Variants in SDC2 observed in about 807,000 individuals in gnomAD.
SDC2 encodes the protein syndecan 2.
Under a neutral mutation model 22.2 loss-of-function variants are expected in SDC2, and 13 were observed. The ratio of observed to expected loss-of-function variants is 0.59; its 90% CI spans 0.38 to 0.93. The LOEUF is 0.93. SDC2 is among the 40% of genes least tolerant of loss of function. SDC2 has a pLI of 0.00. For synonymous variants in SDC2, 94 were observed against 92.8 expected (o/e 1.01, Z -0.07); for missense variants, 235 against 246.8 (o/e 0.95, Z 0.32).
chr8:96,573,061 C>G (rs975959687), intron 1 of SDC2, among the ~76,000 whole-genome samples: 6 of 152,198 alleles, frequency 3.9e-5, no homozygotes, highest in African/African-American at 1.4e-4. Context: ...GGGGCCTTGC[C>G]TGCCTGAAAG....
intron 1 of SDC2, among the ~76,000 whole-genome samples, chr8:96,495,039 C>T (rs1247146542): frequency 1.3e-5 from 2 of 152,238 alleles, no homozygotes; most frequent in African/African-American, 4.8e-5. Flanking sequence ...GCGACCCCCT[C>T]CTCGTTGAGG....
chr8:96,589,907 G>A (rs1235017120), intron 1 of SDC2, among the ~76,000 whole-genome samples: 1 of 152,206 alleles, frequency 6.6e-6, no homozygotes, highest in Non-Finnish European at 1.5e-5. Context: ...GAGCCGGGGG[G>A]CCAGAGGCAA....
At chr8:96,595,250 GA>G (rs1814853225) in intron 2 of SDC2, among the ~76,000 whole-genome samples, 1 of 152,176 alleles carries the variant, frequency 6.6e-6, no homozygotes, top group Non-Finnish European at 1.5e-5. Flanking sequence ...ACCCAGAACA[GA>G]TTAAAATCAG....
In SDC2 at chr8:96,607,125, C is replaced by A. The variant is rs573662318; in HGVS notation, c.307-1210C>A. ...TAGTTTCATCCCCCTCCATCCCCCC[C>A]ACCCTCCCATTCATGGAAAGATTGG... On this transcript the variant is annotated intron_variant, in intron 3 of 4. Coordinates refer to ENST00000302190, the MANE Select transcript of SDC2 (RefSeq NM_002998.4). 5.3e-5 allele frequency among the ~76,000 whole-genome samples: 8 copies of A among 151,742 alleles called. 2 individuals are homozygous for A. The highest frequency in any genetic ancestry group is 1.7e-4 in the African/African-American group (7 of 41,254).
rs543837695 is a variant in SDC2 at position 96,611,412 on chromosome 8, A to T, written c.*1864A>T. 1 of 152,800 alleles carries T rather than the reference A, an allele frequency of 6.5e-6. No homozygotes were observed. Among genetic ancestry groups the T allele is most frequent in the South Asian group, 2.1e-4 (1 of 4,834 alleles). The allele number at this position is 152,800 out of a possible 1,614,324, so 9.5% of individuals were successfully genotyped here. ...TGAGAACATTCCCTGGAATTGCCAC[A>T]TAATTCATTAAAAACATTTTTTTAA... On this transcript the variant is annotated 3_prime_UTR_variant, in exon 5 of 5. Transcript: ENST00000302190.
At chr8:96,606,170 C>G (rs925270584) in intron 3 of SDC2, among the ~76,000 whole-genome samples, 2 of 152,256 alleles carry the variant, frequency 1.3e-5, no homozygotes, top group East Asian at 3.9e-4. Context: ...GTTACCCAGG[C>G]TAGAATGCAG....
chr8:96,494,832 GC>G (rs938896802), intron 1 of SDC2, among the ~76,000 whole-genome samples: 5 of 152,208 alleles, frequency 3.3e-5, no homozygotes, highest in African/African-American at 4.8e-5. Flanking sequence ...GGAGATGGGG[GC>G]CAGATTTAAG....
chr8:96,596,953 G>T (rs1441204927), intron 2 of SDC2, among the ~76,000 whole-genome samples: 1 of 152,134 alleles, frequency 6.6e-6, no homozygotes, highest in Non-Finnish European at 1.5e-5. Context: ...TTCAGTGGAG[G>T]GTGAGAGTGA....
At chr8:96,564,074 G>A (rs186905538) in intron 1 of SDC2, among the ~76,000 whole-genome samples, 42 of 152,330 alleles carry the variant, frequency 2.8e-4, no homozygotes, top group Non-Finnish European at 4.9e-4. Flanking sequence ...CCAGGCCTAG[G>A]CATTGTCTTG....
At chr8:96,600,123 C>T (rs1563677259) in intron 2 of SDC2, among the ~76,000 whole-genome samples, 1 of 152,198 alleles carries the variant, frequency 6.6e-6, no homozygotes, top group South Asian at 2.1e-4. Context: ...CGCACCCCTG[C>T]ACTCTGGCCT....
Position 96,499,843 on chromosome 8 carries a change from A to T in SDC2, c.60+5512A>T, listed in dbSNP as rs189712848. 2.0e-5 allele frequency among the ~76,000 whole-genome samples: 3 copies of T among 151,708 alleles called. No homozygotes were observed. The East Asian group carries it at 5.8e-4, about 29-fold the overall frequency. On this transcript the variant is annotated intron_variant, in intron 1 of 4. Transcript: ENST00000302190. ...ACCTCTCTGACATTCTAAATAGGTG[A>T]ATTTTCTCTCCCATCAAGGTTAGTG...
chr8:96,503,200 C>G (rs1339936105), intron 1 of SDC2, among the ~76,000 whole-genome samples: 1 of 152,164 alleles, frequency 6.6e-6, no homozygotes, highest in Non-Finnish European at 1.5e-5. Flanking sequence ...TTTACCTCCA[C>G]AAATCTGTCC....
At chr8:96,528,966 T>C (rs780861993) in intron 1 of SDC2, among the ~76,000 whole-genome samples, 10 of 152,302 alleles carry the variant, frequency 6.6e-5, no homozygotes, top group Non-Finnish European at 1.5e-4. Context: ...ATCTGTGAAA[T>C]GGGAGGGTTG....
Position 96,531,405 on chromosome 8 carries a change from A to C in SDC2, c.60+37074A>C, listed in dbSNP as rs553094939. On this transcript the variant is annotated intron_variant, in intron 1 of 4. Coordinates refer to ENST00000302190, the MANE Select transcript of SDC2 (RefSeq NM_002998.4). ...ATTAATATTAGTAAATTATAGATAT[A>C]TCTCTTTTGGACAACCTAAAGAATA... Among the ~76,000 whole-genome samples, 3 of 152,322 alleles carry C rather than the reference A, an allele frequency of 2.0e-5. No individual in the cohort carries two copies. The South Asian group carries it at 6.2e-4, about 32-fold the overall frequency.
intron 1 of SDC2, among the ~76,000 whole-genome samples, chr8:96,515,539 G>A (rs1000631218): frequency 1.3e-5 from 2 of 152,174 alleles, no homozygotes; most frequent in African/African-American, 4.8e-5. Flanking sequence ...GAGGGAAAAT[G>A]TCCACCTGTT....
chr8:96,551,387 A>G (rs889592441), intron 1 of SDC2, among the ~76,000 whole-genome samples: 2 of 152,220 alleles, frequency 1.3e-5, no homozygotes, highest in African/African-American at 4.8e-5. Flanking sequence ...ACTAACACTG[A>G]TATACTGCCT....
intron 1 of SDC2, among the ~76,000 whole-genome samples, chr8:96,546,454 G>A (rs1813933536): frequency 6.6e-6 from 1 of 152,100 alleles, no homozygotes; most frequent in Non-Finnish European, 1.5e-5. Context: ...TAGTGAAAAA[G>A]AAACAATAGC....
At chr8:96,537,472 A>G (rs2589203) in intron 1 of SDC2, 87,073 of 137,532 alleles carry the variant, frequency 0.63, 26,566 homozygotes, top group Non-Finnish European at 0.73. Context: ...TGAAAACCAT[A>G]TACTTAAGGG....
chr8:96,569,196 A>T (rs1199462742), intron 1 of SDC2, among the ~76,000 whole-genome samples: 2 of 152,134 alleles, frequency 1.3e-5, no homozygotes, highest in East Asian at 3.9e-4. Context: ...TTTTGTAGAG[A>T]CAGGGTCTCA....
Sources: allele counts gnomAD v4.1 joint callset (sites outside exome capture counted in the v4.1 genomes callset), GRCh38; gene constraint gnomAD v4.1.1; transcripts MANE v1.5; gene names NCBI Gene and HGNC (gene_info 2026-07-23, HGNC 2026-07-21).